GSG1L: variants seen among roughly 807,000 people sequenced by gnomAD.
The protein encoded by GSG1L is germ cell-specific gene 1-like protein.
In GSG1L, 24 loss-of-function variants were observed where a neutral mutation model predicts 42.1. That is an observed-to-expected ratio of 0.57 (90% CI 0.41 to 0.80). The LOEUF (loss-of-function observed/expected upper bound fraction) is 0.80. GSG1L is among the 30% of genes least tolerant of loss of function. The probability of loss-of-function intolerance (pLI) is 0.00; values close to 1 mark genes in which losing one functional copy is unlikely to be tolerated. For synonymous variants in GSG1L, 215 were observed against 203.5 expected, an observed-to-expected ratio of 1.06 and a Z score of -0.48; for missense variants, 445 against 472.2, an observed-to-expected ratio of 0.94 and a Z score of 0.53.
At chr16:27,866,976 C>A (rs570584049) in intron 3 of GSG1L, among the ~76,000 whole-genome samples, 1 of 152,324 alleles carries the variant, frequency 6.6e-6, no homozygotes, top group East Asian at 1.9e-4. Flanking sequence ...AGTGGCCCAC[C>A]CTGGCCCGGG....
chr16:28,028,726 T>C (rs1167063173), intron 1 of GSG1L, among the ~76,000 whole-genome samples: 2 of 152,136 alleles, frequency 1.3e-5, no homozygotes, highest in Non-Finnish European at 2.9e-5. Flanking sequence ...TAATCTCTCT[T>C]TTGAACAAAG....
intron 2 of GSG1L, among the ~76,000 whole-genome samples, chr16:27,919,269 G>A (rs142309655): frequency 6.6e-6 from 1 of 152,252 alleles, no homozygotes; most frequent in African/African-American, 2.4e-5. Flanking sequence ...GCCCAAAGTG[G>A]CAATGACTTC....
At chr16:27,893,675 G>T (rs1190498727) in intron 2 of GSG1L, among the ~76,000 whole-genome samples, 4 of 152,094 alleles carry the variant, frequency 2.6e-5, no homozygotes, top group African/African-American at 7.2e-5. Context: ...TTCAACCCAG[G>T]CTCAAGAGAT....
chr16:27,850,185 A>G (rs2083494139), intron 3 of GSG1L, among the ~76,000 whole-genome samples: 1 of 151,014 alleles, frequency 6.6e-6, no homozygotes, highest in Non-Finnish European at 1.5e-5. Flanking sequence ...CCACCACTAC[A>G]CCCGGCTAAT....
At chr16:27,899,110 C>T (rs1254282854) in intron 2 of GSG1L, among the ~76,000 whole-genome samples, 1 of 152,210 alleles carries the variant, frequency 6.6e-6, no homozygotes, top group Admixed American at 6.5e-5. Context: ...CCAGGAAAGG[C>T]CCTCCATGGG....
At chr16:27,861,090 G>A (rs959424541) in intron 3 of GSG1L, among the ~76,000 whole-genome samples, 6 of 152,186 alleles carry the variant, frequency 3.9e-5, no homozygotes, top group African/African-American at 1.4e-4. Context: ...AGTGAGGGCC[G>A]GGTTCGGTGG....
At chr16:27,980,818 G>A (rs1456801210) in intron 1 of GSG1L, among the ~76,000 whole-genome samples, 2 of 151,186 alleles carry the variant, frequency 1.3e-5, no homozygotes, top group African/African-American at 4.9e-5. Context: ...GGAGGCAGAG[G>A]TTGCAGTGAG....
At chr16:27,887,467 C>A (rs909074532) in intron 2 of GSG1L, among the ~76,000 whole-genome samples, 7 of 152,306 alleles carry the variant, frequency 4.6e-5, no homozygotes, top group Non-Finnish European at 1.0e-4. Flanking sequence ...CTTTCAATCA[C>A]GTGAACCAAT....
intron 6 of GSG1L, among the ~76,000 whole-genome samples, chr16:27,799,741 A>C (rs1236065751): frequency 1.3e-5 from 2 of 151,976 alleles, no homozygotes; most frequent in Non-Finnish European, 2.9e-5. Flanking sequence ...TAGAGCTAGG[A>C]AGGACTGGGG....
chr16:27,949,607 G>A (rs1332069080), intron 2 of GSG1L, among the ~76,000 whole-genome samples: 1 of 152,100 alleles, frequency 6.6e-6, no homozygotes, highest in Non-Finnish European at 1.5e-5. Context: ...ACGATAGAGT[G>A]AGACCCCATC....
intron 1 of GSG1L, among the ~76,000 whole-genome samples, chr16:28,061,803 T>C (rs905887743): frequency 3.3e-5 from 5 of 152,166 alleles, no homozygotes. Flanking sequence ...CTCCTCAGTA[T>C]CCTGACATGG....
intron 1 of GSG1L, among the ~76,000 whole-genome samples, chr16:28,039,446 C>A (rs2086079984): frequency 6.6e-6 from 1 of 152,144 alleles, no homozygotes. Context: ...ATTGGCCCCC[C>A]ACCCCCACAG....
chr16:27,996,106 CCTCT>C (rs144993417), intron 1 of GSG1L, among the ~76,000 whole-genome samples: 1 of 150,918 alleles, frequency 6.6e-6, no homozygotes, highest in Non-Finnish European at 1.5e-5. Context: ...TAAACAGCGC[CCTCT>C]CTCTCTCTCT....
intron 3 of GSG1L, among the ~76,000 whole-genome samples, chr16:27,866,029 T>C: frequency 6.6e-6 from 1 of 152,062 alleles, no homozygotes; most frequent in Non-Finnish European, 1.5e-5. Context: ...TGTTTCTCTC[T>C]CTCTGTGTCT....
At chr16:28,041,519 C>G (rs2086105903) in intron 1 of GSG1L, among the ~76,000 whole-genome samples, 1 of 151,986 alleles carries the variant, frequency 6.6e-6, no homozygotes, top group Non-Finnish European at 1.5e-5. Context: ...ACATCCAGAG[C>G]TTAGTAGTAG....
intron 1 of GSG1L, among the ~76,000 whole-genome samples, chr16:28,003,316 C>G (rs970359225): frequency 5.3e-5 from 8 of 152,250 alleles, no homozygotes; most frequent in African/African-American, 1.9e-4. Context: ...ACGGGCATCT[C>G]GCTGAACCCA....
rs1195078312 is a variant in GSG1L, at chr16:28,063,408, C to G, written c.17G>C (p.Arg6Pro). Reference sequence around the variant, plus strand: ...GGCCACGGCCAGGAGCGCTCGGCCGCGGCGGCTAGTCTTCATGCCGCCCGC... The same window carrying G: ...GGCCACGGCCAGGAGCGCTCGGCCGGGGCGGCTAGTCTTCATGCCGCCCGC... MKTSR[R>P]GRALLAVALN... Residue 6 changes from arginine to proline, a missense_variant, in exon 1 of 7, where the codon CGC (arginine) becomes CCC (proline). Arg to Pro is a moderately radical substitution (Grantham distance 103, BLOSUM62 -2). This residue lies in a region of GSG1L where 156 missense variants were observed against 128.3 expected (regional missense o/e 1.22). Coordinates refer to ENST00000447459, the MANE Select transcript of GSG1L (RefSeq NM_001109763.2). This position sits in a 1 kb window ranked among gnomAD's most constrained non-coding sequence, Gnocchi z 5.8. The G allele has an allele frequency of 1.4e-5, 18 of 1,317,524 alleles. No homozygotes were observed. Among genetic ancestry groups the G allele is most frequent in the Non-Finnish European group, 1.6e-5 (16 of 1,025,766 alleles). The allele number at this position is 1,317,524 out of a possible 1,614,324, so 81.6% of individuals were successfully genotyped here. A position where few individuals can be genotyped will look rare whatever the true frequency, so the allele number is the denominator to read the frequency against.
intron 3 of GSG1L, among the ~76,000 whole-genome samples, chr16:27,882,470 C>G (rs930104467): frequency 2.0e-5 from 3 of 152,068 alleles, no homozygotes; most frequent in African/African-American, 7.2e-5. Flanking sequence ...AGCACTGAGA[C>G]CCTCACAAAA....
At chr16:28,022,706 T>C (rs570972091) in intron 1 of GSG1L, among the ~76,000 whole-genome samples, 111 of 152,316 alleles carry the variant, frequency 7.3e-4, no homozygotes, top group African/African-American at 2.5e-3. Flanking sequence ...GTCACTCTGT[T>C]GCCCAAGCTG....
Sources: gnomAD v4.1 joint callset for allele counts (sites outside exome capture counted in the v4.1 genomes callset) on GRCh38, gnomAD v4.1.1 for gene constraint, gnomAD v4.1.1 regional missense constraint, Gnocchi (gnomAD v3.1) non-coding constraint, MANE v1.5 for transcripts, NCBI Gene and HGNC (gene_info 2026-07-23, HGNC 2026-07-21) for gene names.